Variants in LRBA observed in about 807,000 individuals in gnomAD.
LRBA encodes lipopolysaccharide-responsive and beige-like anchor protein.
Under a neutral mutation model 330.0 loss-of-function variants are expected in LRBA, and 176 were observed. That is an observed-to-expected ratio of 0.53 (90% CI 0.47 to 0.60). The LOEUF (loss-of-function observed/expected upper bound fraction) is 0.60, where lower values mean the gene tolerates loss of function less well. Ranked by LOEUF, LRBA falls within the 20% of genes least tolerant of loss-of-function variation. The pLI, the probability that LRBA is intolerant of heterozygous loss-of-function variation, is 0.00. For synonymous variants in LRBA, 1,230 were observed against 1,193.0 expected (o/e 1.03, Z -0.64); for missense variants, 3,259 against 3,444.8 (o/e 0.95, Z 1.35).
chr4:150,984,515 A>G (rs2149611377), intron 2 of LRBA, among the ~76,000 whole-genome samples: 1 of 152,346 alleles, frequency 6.6e-6, no homozygotes, highest in East Asian at 1.9e-4. Flanking sequence ...GTCTCAAAAA[A>G]AAAAAGAACT....
At chr4:150,816,935 T>C (rs773024355) in intron 31 of LRBA, among the ~76,000 whole-genome samples, 189 bp downstream of exon 31, 9 of 151,978 alleles carry the variant, frequency 5.9e-5, no homozygotes, top group Admixed American at 3.9e-4. Flanking sequence ...GTGGAGAAAA[T>C]AGTGAAATCC....
intron 2 of LRBA, among the ~76,000 whole-genome samples, chr4:150,941,019 G>C (rs1015134273): frequency 1.3e-5 from 2 of 151,790 alleles, no homozygotes; most frequent in Middle Eastern, 6.3e-3. Flanking sequence ...TTTTTTAACG[G>C]GTTTTTAAAT....
chr4:150,929,334 C>T (rs1734213311), intron 2 of LRBA, among the ~76,000 whole-genome samples: 1 of 152,104 alleles, frequency 6.6e-6, no homozygotes. Flanking sequence ...TAACCTGTTA[C>T]CAATAAAGAT....
intron 36 of LRBA, among the ~76,000 whole-genome samples, chr4:150,725,938 G>GTTA (rs1171414299): frequency 3.3e-5 from 5 of 152,240 alleles, no homozygotes; most frequent in African/African-American, 1.2e-4. Flanking sequence ...TACATAACAG[G>GTTA]TTATAAGATT....
intron 22 of LRBA, among the ~76,000 whole-genome samples, chr4:150,863,806 A>G (rs1752304417): frequency 1.3e-5 from 2 of 152,218 alleles, no homozygotes; most frequent in Admixed American, 6.5e-5. Context: ...AACACCTGAG[A>G]TATCACCTAA....
chr4:150,918,698 A>C (rs968510530), intron 5 of LRBA, among the ~76,000 whole-genome samples: 12 of 152,190 alleles, frequency 7.9e-5, no homozygotes, highest in African/African-American at 2.9e-4. Flanking sequence ...GCAGGGAGCC[A>C]AGATCACACC....
chr4:150,912,651 GAA>G (rs1241080983), intron 9 of LRBA, among the ~76,000 whole-genome samples: 2 of 152,172 alleles, frequency 1.3e-5, no homozygotes, highest in African/African-American at 4.8e-5. Flanking sequence ...TGTCTTCCAT[GAA>G]ACTGGTCCCT....
At chr4:150,323,928 G>A (rs1358233270) in intron 49 of LRBA, among the ~76,000 whole-genome samples, 1 of 152,186 alleles carries the variant, frequency 6.6e-6, no homozygotes, top group Admixed American at 6.5e-5. Flanking sequence ...GGTTTCATCA[G>A]TTTTCCCAGA....
At chr4:150,595,001 C>T (rs1295136275) in intron 38 of LRBA, among the ~76,000 whole-genome samples, 1 of 151,928 alleles carries the variant, frequency 6.6e-6, no homozygotes, top group Admixed American at 6.6e-5. Context: ...GAAGTTTATA[C>T]TTTAAGAATT....
chr4:150,903,621 T>C (rs1286169223), intron 13 of LRBA, among the ~76,000 whole-genome samples: 1 of 151,938 alleles, frequency 6.6e-6, no homozygotes, highest in Non-Finnish European at 1.5e-5. Context: ...ACAGCTACAG[T>C]CCCAACTACT....
chr4:150,476,389 T>C (rs1047587972), intron 42 of LRBA, among the ~76,000 whole-genome samples: 23 of 152,090 alleles, frequency 1.5e-4, no homozygotes, highest in African/African-American at 5.3e-4. Flanking sequence ...AATAGCTACA[T>C]GGCAGAGACA....
chr4:150,908,932 C>T (rs1281397101), intron 9 of LRBA, 75 bp from the exon 10 acceptor site: 18 of 946,794 alleles, frequency 1.9e-5, no homozygotes, highest in Non-Finnish European at 2.9e-5. Flanking sequence ...AGGTGTAAAA[C>T]TTTAAGGAGA....
chr4:150,748,406 C>T (rs1241800005), intron 35 of LRBA, among the ~76,000 whole-genome samples: 3 of 152,158 alleles, frequency 2.0e-5, no homozygotes, highest in Admixed American at 6.5e-5. Context: ...CGGTAGCTCA[C>T]GCCTGTAATC....
chr4:150,581,570 T>C (rs1771341851), intron 40 of LRBA: 1 of 208,974 alleles, frequency 4.8e-6, no homozygotes, highest in Non-Finnish European at 9.8e-6. Context: ...TGAACCTTTC[T>C]GAACCATTGC....
intron 18 of LRBA, among the ~76,000 whole-genome samples, chr4:150,872,108 G>C (rs1487223079): frequency 2.0e-5 from 3 of 152,108 alleles, no homozygotes; most frequent in African/African-American, 7.2e-5. Context: ...TATTGTGGCT[G>C]TTTTCCAATA....
intron 34 of LRBA, among the ~76,000 whole-genome samples, chr4:150,795,013 A>T (rs781605876): frequency 6.6e-6 from 1 of 152,060 alleles, no homozygotes; most frequent in African/African-American, 2.4e-5. Flanking sequence ...TATTTATTAG[A>T]TGTTTTGGGT....
At chr4:150,395,279 T>C (rs762932922) in intron 47 of LRBA, among the ~76,000 whole-genome samples, 1 of 152,152 alleles carries the variant, frequency 6.6e-6, no homozygotes, top group Non-Finnish European at 1.5e-5. Flanking sequence ...AAAGAACTTA[T>C]CTTTTCCTCT....
intron 2 of LRBA, among the ~76,000 whole-genome samples, chr4:150,980,214 G>T (rs1740680334): frequency 6.6e-6 from 1 of 151,918 alleles, no homozygotes; most frequent in Admixed American, 6.6e-5. Flanking sequence ...ACAGAATGGA[G>T]AACAAAAACA....
intron 48 of LRBA, among the ~76,000 whole-genome samples, chr4:150,341,259 T>A (rs72734408): frequency 0.016 from 2,370 of 152,238 alleles, 29 homozygotes; most frequent in Non-Finnish European, 0.023. Context: ...CCTCCCCAGT[T>A]CAAACAATTC....
Sources: allele counts gnomAD v4.1 joint callset (sites outside exome capture counted in the v4.1 genomes callset), GRCh38; gene constraint gnomAD v4.1.1; transcripts MANE v1.5; gene names NCBI Gene and HGNC (gene_info 2026-07-23, HGNC 2026-07-21).